Variants in C5 observed in about 807,000 individuals in gnomAD.
C5 encodes complement C5.
A neutral mutation model predicts 218.8 loss-of-function variants in C5; 140 were observed. The ratio of observed to expected loss-of-function variants is 0.64; its 90% confidence interval spans 0.56 to 0.74. C5 has a LOEUF of 0.74. Ranked by LOEUF, C5 falls within the 30% of genes least tolerant of loss-of-function variation. The probability of loss-of-function intolerance (pLI) is 0.00; values close to 1 mark genes in which losing one functional copy is unlikely to be tolerated. For synonymous variants in C5, 614 were observed against 682.3 expected, an observed-to-expected ratio of 0.90 and a Z score of 1.56; for missense variants, 1,700 against 1,969.6, an observed-to-expected ratio of 0.86 and a Z score of 2.59.
At chr9:121,027,945 C>T (rs894918230) in intron 7 of C5, among the ~76,000 whole-genome samples, 2 of 152,182 alleles carry the variant, frequency 1.3e-5, no homozygotes, top group African/African-American at 4.8e-5. Flanking sequence ...ATCTACCCAT[C>T]TGACAAAGGG....
intron 38 of C5, 113 bp from the exon 39 acceptor site, chr9:120,957,481 A>G (rs2046794976): frequency 1.3e-6 from 1 of 776,788 alleles, no homozygotes; most frequent in Non-Finnish European, 2.3e-6. Flanking sequence ...AAACTATTAT[A>G]GTTCTTATTT....
At chr9:121,013,797 TGCC>T (rs369918534) in intron 17 of C5, 73 bp downstream of exon 17, 35 of 1,227,964 alleles carry the variant, frequency 2.9e-5, no homozygotes, top group African/African-American at 2.1e-4. Context: ...TCATGAAAAC[TGCC>T]TTTCTTAGCA....
chr9:120,985,630 T>G (rs2047027437), intron 25 of C5, among the ~76,000 whole-genome samples: 1 of 151,924 alleles, frequency 6.6e-6, no homozygotes, highest in Admixed American at 6.6e-5. Context: ...TGAAAAGGAG[T>G]GAGCTATATT....
chr9:121,050,750 G>A (rs2047665918), upstream of C5, among the ~76,000 whole-genome samples: 3 of 152,254 alleles, frequency 2.0e-5, no homozygotes, highest in South Asian at 6.2e-4. Context: ...TGTCCTTGGT[G>A]CTGCAAATGG....
chr9:121,039,680 A>T (rs1415709670), intron 3 of C5, among the ~76,000 whole-genome samples: 1 of 152,152 alleles, frequency 6.6e-6, no homozygotes, highest in East Asian at 1.9e-4. Context: ...ATTTAAAAAA[A>T]GTTTGAATGC....
Position 121,017,493 on chromosome 9 carries a change from C to T in C5, c.1735G>A (p.Ala579Thr), listed in dbSNP as rs2047317831. The T allele has an allele frequency of 6.2e-7, 1 of 1,613,680 alleles. No homozygotes were observed. The highest frequency in any genetic ancestry group is 1.1e-5 in the South Asian group (1 of 91,074). ...NQLQVHLSPD[A>T]DAYSPGQTVS... ...GTTTGGCCTGGAGAATATGCATCTGCATCAGGAGACAGATGAACCTAAAAG... is the reference window on the plus strand; with the variant it reads ...GTTTGGCCTGGAGAATATGCATCTGTATCAGGAGACAGATGAACCTAAAAG... Residue 579 changes from alanine to threonine, a missense_variant, in exon 14 of 41, where the codon GCA becomes ACA. By Grantham distance (58) the Ala-to-Thr change is moderately conservative. Coordinates refer to ENST00000223642, the MANE Select transcript of C5 (RefSeq NM_001735.3).
intron 32 of C5, 79 bp downstream of exon 32, chr9:120,970,091 T>C (rs1261258927): frequency 1.0e-6 from 1 of 979,482 alleles, no homozygotes; most frequent in Non-Finnish European, 1.6e-6. Flanking sequence ...AGCACATTTT[T>C]ACTAATCAGA....
chr9:121,042,899 A>T, intron 3 of C5, 105 bp downstream of exon 3: 2 of 905,406 alleles, frequency 2.2e-6, no homozygotes, highest in Non-Finnish European at 1.8e-6. Flanking sequence ...GAGCAAATTA[A>T]AAAGAAACCG....
chr9:120,992,727 C>T (rs181756316), intron 22 of C5, among the ~76,000 whole-genome samples: 28 of 152,262 alleles, frequency 1.8e-4, no homozygotes, highest in Middle Eastern at 6.8e-3. Context: ...AGGTTCCAGA[C>T]AGATTAAAAC....
At chr9:120,958,477 C>A (rs1011836761) in intron 38 of C5, among the ~76,000 whole-genome samples, 2 of 151,752 alleles carry the variant, frequency 1.3e-5, no homozygotes, top group African/African-American at 4.8e-5. Flanking sequence ...TTTAGTGGAA[C>A]TTTTGTTTGT....
chr9:120,968,661 C>T (rs2046887020), intron 33 of C5, among the ~76,000 whole-genome samples: 1 of 152,204 alleles, frequency 6.6e-6, no homozygotes, highest in African/African-American at 2.4e-5. Flanking sequence ...CTCCAGCTGA[C>T]TTCAATGTGC....
the C5 span, among the ~76,000 whole-genome samples, chr9:121,056,631 T>TA: frequency 6.6e-6 from 1 of 151,380 alleles, no homozygotes; most frequent in Non-Finnish European, 1.5e-5. Flanking sequence ...TCAAGCAAAA[T>TA]AAAGAATTTG....
chr9:121,063,002 G>T, the C5 span, among the ~76,000 whole-genome samples: 1 of 151,814 alleles, frequency 6.6e-6, no homozygotes, highest in Non-Finnish European at 1.5e-5. Flanking sequence ...TGAATGTGTG[G>T]ATTAATGTGT....
At chr9:121,031,982 G>C in intron 6 of C5, 131 bp downstream of exon 6, 1 of 569,442 alleles carries the variant, frequency 1.8e-6, no homozygotes, top group South Asian at 1.6e-5. Context: ...AGAATTGCTT[G>C]AACCCAGGAG....
chr9:121,005,531 T>A (rs562532898), intron 20 of C5, among the ~76,000 whole-genome samples: 1 of 152,202 alleles, frequency 6.6e-6, no homozygotes, highest in East Asian at 1.9e-4. Flanking sequence ...GAGAGGATGA[T>A]AAGATCTATA....
At chr9:120,963,559 GA>G (rs2046843475) in intron 34 of C5, 76 bp downstream of exon 34, 1 of 1,093,158 alleles carries the variant, frequency 9.1e-7, no homozygotes, top group Admixed American at 1.8e-5. Flanking sequence ...TCAAATGAAA[GA>G]AAGTAAAATT....
At position 121,023,481 on chromosome 9, in the gene C5, A is replaced by G. The variant is rs138785909; in HGVS notation, c.1039T>C (p.Tyr347His). The G allele has an allele frequency of 1.2e-6, 2 of 1,613,806 alleles. No homozygotes were observed. Among genetic ancestry groups the G allele is most frequent in the African/African-American group, 2.7e-5 (2 of 75,054 alleles). The change falls in exon 10 of 41, where the codon TAT becomes CAT. Residue 347 changes from tyrosine to histidine, a missense_variant. By Grantham distance (83) the Tyr-to-His change is moderately conservative (BLOSUM62 2). Transcript: ENST00000223642. The part of the protein sequence containing the change: ...SEEAEIPGIK[Y>H]VLSPYKLNLV... ...TTCAGTTTGTAGGGAGAGAGGACAT[A>G]TTTGATGCCAGGTATTTCTGCCTCT...
chr9:120,953,700 A>G (rs371658863), intron 40 of C5, 30 bp downstream of exon 40: 15 of 1,611,014 alleles, frequency 9.3e-6, no homozygotes, highest in Middle Eastern at 1.7e-4. Context: ...TGGAGGGAAG[A>G]TCAGTGACTG....
chr9:121,034,966 T>C, intron 4 of C5, 72 bp from the exon 5 acceptor site: 2 of 720,136 alleles, frequency 2.8e-6, no homozygotes, highest in Non-Finnish European at 4.8e-6. Context: ...TATACAATCT[T>C]TGATGTACAA....
Sources: gnomAD v4.1 joint callset for allele counts (sites outside exome capture counted in the v4.1 genomes callset) on GRCh38, gnomAD v4.1.1 for gene constraint, MANE v1.5 for transcripts, NCBI Gene and HGNC (gene_info 2026-07-23, HGNC 2026-07-21) for gene names.